The following ZNF597 variants were observed in gnomAD, a reference collection of about 807,000 sequenced individuals.
ZNF597 encodes the protein zinc finger protein 597.
A neutral mutation model predicts 7.3 loss-of-function variants in ZNF597; 5 were observed. The ratio of observed to expected loss-of-function variants is 0.68; its 90% CI spans 0.36 to 1.44. The LOEUF is 1.44. ZNF597 is among the 40% of genes most tolerant of loss of function. The probability of loss-of-function intolerance (pLI) is 0.04; values close to 1 mark genes in which losing one functional copy is unlikely to be tolerated. For missense variants in ZNF597, 585 were observed against 517.9 expected (o/e 1.13, Z -1.26); for synonymous variants, 209 against 185.4 (o/e 1.13, Z -1.04).
In ZNF597 at chr16:3,435,392, CTACTACG is replaced by C. The variant is rs1320898968; in HGVS notation, c.*1025_*1031del. 6.6e-6 allele frequency: 1 copy of C among 152,264 alleles called. No homozygotes were observed. The highest frequency in any genetic ancestry group is 1.5e-5 in the Non-Finnish European group (1 of 68,076). 9.4% of individuals were successfully genotyped at this position (152,264 alleles called of 1,614,324 possible). A position where few individuals can be genotyped will look rare whatever the true frequency, so the allele number is the denominator to read the frequency against. On this transcript the variant is annotated 3_prime_UTR_variant, in exon 4 of 4. Transcript: ENST00000301744. ...CCCCTTTCCCTGGCTGCCTGCAGTGCTACTACGTGGTGCAAATGCCAACAAATGCCGC... is the reference window on the plus strand; with the variant it reads ...CCCCTTTCCCTGGCTGCCTGCAGTGCTGGTGCAAATGCCAACAAATGCCGC...
intron 3 of ZNF597, 35 bp downstream of exon 3, chr16:3,440,771 CA>C: frequency 6.2e-7 from 1 of 1,610,870 alleles, no homozygotes; most frequent in Non-Finnish European, 8.5e-7. Context: ...CTAGAATTGA[CA>C]AAAGTTCCAG....
intron 3 of ZNF597, among the ~76,000 whole-genome samples, chr16:3,438,512 G>A (rs1252361182): frequency 3.3e-5 from 5 of 151,298 alleles, no homozygotes; most frequent in African/African-American, 1.2e-4. Context: ...GCAGTGAGCC[G>A]AGATCGCGCC....
chr16:3,443,067 A>C (rs1254670377), intron 2 of ZNF597, 54 bp downstream of exon 2: 2 of 1,609,182 alleles, frequency 1.2e-6, no homozygotes, highest in South Asian at 1.1e-5. Flanking sequence ...GGAGGGGGTC[A>C]GGCAGAGACC....
Position 3,436,971 on chromosome 16 carries a change from C to G in ZNF597, c.728G>C (p.Ser243Thr). The change falls in exon 4 of 4, where the codon AGC becomes ACC. Residue 243 changes from serine (S) to threonine (T), a missense_variant. Ser to Thr is a moderately conservative substitution (Grantham distance 58). Coordinates refer to ENST00000301744, the MANE Select transcript of ZNF597 (RefSeq NM_152457.3). The part of the protein sequence containing the change: ...SHVKEKPYTC[S>T]ICGRGFMWLP... ...CCACATAAAACCTCTACCACATATG[C>G]TACATGTATAGGGCTTCTCCTTTAC... 6.2e-7 allele frequency: 1 copy of G among 1,614,224 alleles called. No individual in the cohort carries two copies. The highest frequency in any genetic ancestry group is 8.5e-7 in the Non-Finnish European group (1 of 1,180,050).
chr16:3,437,573 C>G, intron 3 of ZNF597, 35 bp from the exon 4 acceptor site: 1 of 1,552,668 alleles, frequency 6.4e-7, no homozygotes, highest in Non-Finnish European at 8.6e-7. Context: ...AAAACATAGA[C>G]AATATCTTCA....
rs767901656 is a variant in ZNF597, at chr16:3,443,502, G to A, written c.-196C>T. On this transcript the variant is annotated 5_prime_UTR_variant, in exon 1 of 4. Transcript: ENST00000301744. The stretch of plus-strand genomic sequence containing the variant: ...CCTTTACGCAGGAGCTGCGGGAAAA[G>A]CCGCCGGAAGCGACCCGCCCTCAGC... The A allele has an allele frequency of 1.2e-5, 6 of 507,792 alleles. No homozygotes were observed. Among genetic ancestry groups the A allele is most frequent in the Non-Finnish European group, 2.1e-5 (6 of 291,600 alleles). The allele number at this position is 507,792 out of a possible 1,614,324, so 31.5% of individuals were successfully genotyped here.
At chr16:3,441,518 C>G (rs2034370084) in intron 2 of ZNF597, among the ~76,000 whole-genome samples, 1 of 152,178 alleles carries the variant, frequency 6.6e-6, no homozygotes, top group Non-Finnish European at 1.5e-5. Flanking sequence ...GAAATTCTGT[C>G]TGCACTAAAT....
Position 3,435,566 on chromosome 16 carries a change from T to C in ZNF597, c.*858A>G, listed in dbSNP as rs1330857265. ...TTTCCTCGTTTATGAAACAAAGATT[T>C]TTTTTCTCTGTCACAGATTCTGAAG... On this transcript the variant is annotated 3_prime_UTR_variant, in exon 4 of 4. Coordinates refer to ENST00000301744, the MANE Select transcript of ZNF597 (RefSeq NM_152457.3). The C allele has an allele frequency of 6.6e-6, 1 of 151,862 alleles. No individual in the cohort carries two copies. Among genetic ancestry groups the C allele is most frequent in the Non-Finnish European group, 1.5e-5 (1 of 67,958 alleles). The allele number at this position is 151,862 out of a possible 1,614,324, so 9.4% of individuals were successfully genotyped here. A position where few individuals can be genotyped will look rare whatever the true frequency, so the allele number is the denominator to read the frequency against.
In ZNF597 at chr16:3,433,690, G is replaced by A. The variant is rs915615552; in HGVS notation, c.*2734C>T. Reference sequence around the variant, plus strand: ...ATCATAAAAAGCCTGAAGCTCACCAGCAGATATATCTTTTCCTTCAATTCC... The same window carrying A: ...ATCATAAAAAGCCTGAAGCTCACCAACAGATATATCTTTTCCTTCAATTCC... On this transcript the variant is annotated 3_prime_UTR_variant, in exon 4 of 4. Transcript: ENST00000301744. The A allele has an allele frequency of 6.6e-6, 1 of 152,186 alleles. No individual in the cohort carries two copies. Among genetic ancestry groups the A allele is most frequent in the African/African-American group, 2.4e-5 (1 of 41,434 alleles). The allele number at this position is 152,186 out of a possible 1,614,324, so 9.4% of individuals were successfully genotyped here. A position where few individuals can be genotyped will look rare whatever the true frequency, so the allele number is the denominator to read the frequency against.
At chr16:3,443,293 AC>A (rs1376710975) in intron 1 of ZNF597, 66 bp downstream of exon 1, 7 of 806,632 alleles carry the variant, frequency 8.7e-6, no homozygotes, top group Admixed American at 3.3e-5. Flanking sequence ...TTCCCTCCGA[AC>A]CCCCCCTTAA....
intron 3 of ZNF597, 142 bp downstream of exon 3, chr16:3,440,665 T>G: frequency 8.9e-7 from 1 of 1,126,052 alleles, no homozygotes; most frequent in Non-Finnish European, 1.2e-6. Flanking sequence ...ATTTTAAAAC[T>G]TTTTCTCTCA....
chr16:3,436,997 G>A lies in ZNF597; in HGVS notation c.702C>T (p.His234=), dbSNP rs199958269. 6.3e-4 allele frequency: 1,024 copies of A among 1,614,114 alleles called. No homozygotes were observed. Among genetic ancestry groups the A allele is most frequent in the Non-Finnish European group, 8.3e-4 (983 of 1,180,032 alleles). ...TACATGTATAGGGCTTCTCCTTTAC[G>A]TGGCTATTCATGTGTCGGGATAGAT... ...HSHLSRHMNS[H]VKEKPYTCSI... is the part of the protein sequence containing the mutation. The change falls in exon 4 of 4, where the codon CAC becomes CAT. Residue 234 remains histidine (H), a synonymous_variant. Transcript: ENST00000301744.
Position 3,436,326 on chromosome 16 carries a change from A to G in ZNF597, c.*98T>C. ...TAAGTATTACATGGGAATGTGTGTA[A>G]AGTGCTTAGCACATTGCCTGGGACA... On this transcript the variant is annotated 3_prime_UTR_variant, in exon 4 of 4. Transcript: ENST00000301744. 1 of 1,148,862 alleles carries G rather than the reference A, an allele frequency of 8.7e-7. No homozygotes were observed. The highest frequency in any genetic ancestry group is 1.2e-6 in the Non-Finnish European group (1 of 820,012). The allele number at this position is 1,148,862 out of a possible 1,614,324, so 71.2% of individuals were successfully genotyped here.
chr16:3,432,712 T>C lies in ZNF597; in HGVS notation c.*3712A>G, dbSNP rs1207793531. On this transcript the variant is annotated 3_prime_UTR_variant, in exon 4 of 4. Transcript: ENST00000301744. ...ATTTTAAAAGACAAAACACCTGTAC[T>C]ACTTAGATGGGCCTTGGAAAGATGG... 1 of 152,220 alleles carries C rather than the reference T, an allele frequency of 6.6e-6. No homozygotes were observed. Among genetic ancestry groups the C allele is most frequent in the African/African-American group, 2.4e-5 (1 of 41,452 alleles). 9.4% of individuals were successfully genotyped at this position (152,220 alleles called of 1,614,324 possible).
chr16:3,441,462 G>A (rs1415055946), intron 2 of ZNF597, among the ~76,000 whole-genome samples: 1 of 152,152 alleles, frequency 6.6e-6, no homozygotes, highest in Admixed American at 6.5e-5. Context: ...GGAGGCGAGT[G>A]GATCACCTGA....
At chr16:3,440,150 T>C (rs1158273628) in intron 3 of ZNF597, among the ~76,000 whole-genome samples, 1 of 152,208 alleles carries the variant, frequency 6.6e-6, no homozygotes, top group Non-Finnish European at 1.5e-5. Flanking sequence ...ATGGTTCCCC[T>C]TAGGTGAGTA....
intron 1 of ZNF597, 63 bp from the exon 2 acceptor site, chr16:3,443,269 CT>C (rs1247607055): frequency 2.9e-6 from 3 of 1,051,238 alleles, no homozygotes; most frequent in African/African-American, 1.6e-5. Context: ...TCCACTACCC[CT>C]AGCCTCCCTC....
intron 3 of ZNF597, among the ~76,000 whole-genome samples, chr16:3,438,499 C>T (rs530906599): frequency 1.5e-4 from 23 of 151,376 alleles, no homozygotes; most frequent in Non-Finnish European, 2.5e-4. Context: ...GGAGGCGGAG[C>T]TTGCAGTGAG....
At chr16:3,438,330 C>G (rs560760830) in intron 3 of ZNF597, among the ~76,000 whole-genome samples, 3 of 151,608 alleles carry the variant, frequency 2.0e-5, no homozygotes, top group Non-Finnish European at 4.4e-5. Flanking sequence ...GAGGCCGAGG[C>G]GGGTGGATCA....
Sources: gnomAD v4.1 joint callset for allele counts (sites outside exome capture counted in the v4.1 genomes callset) on GRCh38, gnomAD v4.1.1 for gene constraint, MANE v1.5 for transcripts, NCBI Gene and HGNC (gene_info 2026-07-23, HGNC 2026-07-21) for gene names.